Variants in TTLL10 observed in about 807,000 individuals in gnomAD.
TTLL10 encodes the protein inactive polyglycylase TTLL10.
In TTLL10, 61 loss-of-function variants were observed where a neutral mutation model predicts 69.0. That is an observed-to-expected ratio of 0.88 (90% CI 0.72 to 1.09). The LOEUF (loss-of-function observed/expected upper bound fraction) is 1.09, where lower values mean the gene tolerates loss of function less well. TTLL10 is among the 50% of genes least tolerant of loss of function. The probability of loss-of-function intolerance (pLI) is 0.00; values close to 1 mark genes in which losing one functional copy is unlikely to be tolerated. For synonymous variants in TTLL10, 408 were observed against 393.3 expected (o/e 1.04, Z -0.44); for missense variants, 962 against 945.9 (o/e 1.02, Z -0.22).
At chr1:1,180,882 C>T (rs983451314) in intron 8 of TTLL10, 22 bp downstream of exon 8, 3 of 1,536,858 alleles carry the variant, frequency 2.0e-6, no homozygotes, top group Non-Finnish European at 2.6e-6. Context: ...CCTGCCCCTG[C>T]CCCCGTCCCT....
chr1:1,190,029 G>A (rs1390928128), intron 13 of TTLL10, among the ~76,000 whole-genome samples: 4 of 151,130 alleles, frequency 2.6e-5, no homozygotes, highest in Admixed American at 6.6e-5. Context: ...GGAGAATCGC[G>A]TGAACCCGGG....
chr1:1,185,898 G>T lies in TTLL10; in HGVS notation c.1401+789G>T, dbSNP rs1328038237. The T allele has an allele frequency of 1.1e-6, 1 of 930,488 alleles. No homozygotes were observed. The highest frequency in any genetic ancestry group is 1.8e-5 in the African/African-American group (1 of 56,062). 57.6% of individuals were successfully genotyped at this position (930,488 alleles called of 1,614,324 possible). On this transcript the variant is annotated intron_variant, in intron 13 of 15. Coordinates refer to ENST00000379289, the MANE Select transcript of TTLL10 (RefSeq NM_001130045.2). The surrounding 1 kb of genome is among the most constrained non-coding windows in gnomAD (Gnocchi z 6.1). Reference sequence around the variant, plus strand: ...TTCAGTGGCTTTTAGTATTTCAAAAGTTGTGCAATTATCACCACCAATTCC... The same window carrying T: ...TTCAGTGGCTTTTAGTATTTCAAAATTTGTGCAATTATCACCACCAATTCC...
chr1:1,184,924 T>C (rs375748172), intron 12 of TTLL10, 45 bp from the exon 13 acceptor site: 1 of 1,403,032 alleles, frequency 7.1e-7, no homozygotes, highest in East Asian at 2.5e-5. Flanking sequence ...GGACAGGCCC[T>C]CCGGACAGTC....
chr1:1,176,649 CCT>C (rs1646879925), intron 3 of TTLL10, among the ~76,000 whole-genome samples: 1 of 152,210 alleles, frequency 6.6e-6, no homozygotes, highest in South Asian at 2.1e-4. Flanking sequence ...CTGCTAGTGG[CCT>C]CGGTGGGCAC....
At chr1:1,174,529 C>T (rs1479235025) in intron 3 of TTLL10, 40 bp downstream of exon 3, 1 of 152,274 alleles carries the variant, frequency 6.6e-6, no homozygotes, top group African/African-American at 2.4e-5. Flanking sequence ...AGGTCGTGCA[C>T]CAAGTTTCCA....
Position 1,181,078 on chromosome 1 carries a change from G to A in TTLL10, c.755+218G>A, listed in dbSNP as rs1193193872. Among the ~76,000 whole-genome samples, 5 of 83,578 alleles carry A rather than the reference G, an allele frequency of 6.0e-5. No individual in the cohort carries two copies. Among genetic ancestry groups the A allele is most frequent in the Admixed American group, 3.1e-4 (2 of 6,542 alleles). The allele number at this position is 83,578 out of a possible 152,430, so 54.8% of individuals were successfully genotyped here. A position where few individuals can be genotyped will look rare whatever the true frequency, so the allele number is the denominator to read the frequency against. On this transcript the variant is annotated intron_variant, in intron 8 of 15. Transcript: ENST00000379289. This position sits in a 1 kb window ranked among gnomAD's most constrained non-coding sequence, Gnocchi z 4.6. ...CCCAGGCTGGCCCCAGCCCCCACCC[G>A]TCAGCACCTGCCTCCACCTTCCACC...
chr1:1,176,796 G>C (rs897955834), intron 3 of TTLL10, among the ~76,000 whole-genome samples: 9 of 152,210 alleles, frequency 5.9e-5, no homozygotes, highest in African/African-American at 2.2e-4. Flanking sequence ...CCCATCCCCA[G>C]GGTTCCCTTC....
chr1:1,183,412 T>A (rs1258384009), intron 11 of TTLL10, among the ~76,000 whole-genome samples: 3 of 152,088 alleles, frequency 2.0e-5, no homozygotes, highest in Non-Finnish European at 2.9e-5. Flanking sequence ...CTTCCCTGAG[T>A]GGGAAGGCTT....
At chr1:1,196,775 G>C in intron 14 of TTLL10, 59 bp downstream of exon 14, 1 of 1,231,288 alleles carries the variant, frequency 8.1e-7, no homozygotes, top group East Asian at 2.5e-5. Context: ...GGGGCCATCT[G>C]TACACCCTGA....
At position 1,185,866 on chromosome 1, in the gene TTLL10, TGTGCA is replaced by T; in HGVS notation, c.1401+760_1401+764del. 1 of 981,798 alleles carries T rather than the reference TGTGCA, an allele frequency of 1.0e-6. No homozygotes were observed. Among genetic ancestry groups the T allele is most frequent in the Non-Finnish European group, 1.2e-6 (1 of 826,680 alleles). The allele number at this position is 981,798 out of a possible 1,614,324, so 60.8% of individuals were successfully genotyped here. A position where few individuals can be genotyped will look rare whatever the true frequency, so the allele number is the denominator to read the frequency against. ...GAACATAAAATTCACGATCTTAAAG[TGTGCA>T]GTTCAGTGGCTTTTAGTATTTCAAA... On this transcript the variant is annotated intron_variant, in intron 13 of 15. Transcript: ENST00000379289. This position sits in a 1 kb window ranked among gnomAD's most constrained non-coding sequence, Gnocchi z 6.1.
Position 1,185,024 on chromosome 1 carries a change from G to A in TTLL10, c.1316G>A (p.Ser439Asn). ...CTGCTGAAGGAGCACACGGTGTGGA[G>A]CATGGAACACCTCAACCGCTACATC... is the stretch of plus-strand genomic sequence containing the variant. ...YMLLKEHTVW[S>N]MEHLNRYISD... The change falls in exon 13 of 16, where the codon AGC becomes AAC. Residue 439 changes from serine to asparagine, a missense_variant. Physicochemically the swap from Ser to Asn is conservative, Grantham distance 46 (BLOSUM62 1). Coordinates refer to ENST00000379289, the MANE Select transcript of TTLL10 (RefSeq NM_001130045.2). The surrounding 1 kb of genome is among the most constrained non-coding windows in gnomAD (Gnocchi z 6.1). The A allele has an allele frequency of 6.2e-7, 1 of 1,614,006 alleles. No individual in the cohort carries two copies. The highest frequency in any genetic ancestry group is 1.3e-5 in the African/African-American group (1 of 75,054).
rs529758163 is a variant in TTLL10 at position 1,192,220 on chromosome 1, A to T, written c.1402-4380A>T. ...TTCAGTTGTCTACTTCTCCCTTCAG[A>T]TCTGTCAGTTTTTTGTATATTTCGA... On this transcript the variant is annotated intron_variant, in intron 13 of 15. Coordinates refer to ENST00000379289, the MANE Select transcript of TTLL10 (RefSeq NM_001130045.2). Among the ~76,000 whole-genome samples the T allele has an allele frequency of 7.6e-4, 115 of 150,440 alleles. No homozygotes were observed. In the South Asian group the frequency reaches 0.011, roughly 15 times the overall value.
At chr1:1,187,554 C>T (rs953174400) in intron 13 of TTLL10, among the ~76,000 whole-genome samples, 2 of 152,006 alleles carry the variant, frequency 1.3e-5, no homozygotes, top group Admixed American at 1.3e-4. Context: ...TGCTTGAACC[C>T]GGGAGGTGGA....
In TTLL10 at chr1:1,197,205, AC is replaced by A. The variant is rs778792570; in HGVS notation, c.1612+23del. 1 of 1,382,134 alleles carries A rather than the reference AC, an allele frequency of 7.2e-7. No individual in the cohort carries two copies. The highest frequency in any genetic ancestry group is 1.6e-5 in the African/African-American group (1 of 62,152). 85.6% of individuals were successfully genotyped at this position (1,382,134 alleles called of 1,614,324 possible). Reference sequence around the variant, plus strand: ...ACCCTGGGTGAGCCTCCAAGCCCCCACCCCACACCCCCACAACCTGCCCAGT... The same window carrying A: ...ACCCTGGGTGAGCCTCCAAGCCCCCACCCACACCCCCACAACCTGCCCAGT... On this transcript the variant is annotated intron_variant, in intron 15 of 15. Coordinates refer to ENST00000379289, the MANE Select transcript of TTLL10 (RefSeq NM_001130045.2).
chr1:1,193,609 G>T (rs547502943), intron 13 of TTLL10, among the ~76,000 whole-genome samples: 2 of 151,578 alleles, frequency 1.3e-5, no homozygotes, highest in Non-Finnish European at 2.9e-5. Context: ...GATTACAGGC[G>T]CATGCCACCA....
intron 13 of TTLL10, among the ~76,000 whole-genome samples, chr1:1,193,044 G>T (rs994646306): frequency 2.6e-5 from 4 of 152,198 alleles, no homozygotes; most frequent in Non-Finnish European, 5.9e-5. Flanking sequence ...TACTGATAAA[G>T]GGCCGGGCAC....
Position 1,197,647 on chromosome 1 carries a change from G to T in TTLL10, c.1822G>T (p.Gly608Cys). ...CATGCCGCATGCCCCAGACCAGCCG[G>T]GCGCCCGCAGGCCTGCGCCACCTCC... The part of the protein sequence containing the change: ...PPMPHAPDQP[G>C]ARRPAPPPLV... The change falls in exon 16 of 16, where the codon GGC (glycine) becomes TGC (cysteine). Residue 608 changes from glycine to cysteine, a missense_variant. By Grantham distance (159) the Gly-to-Cys change is radical. Transcript: ENST00000379289. 1 of 1,500,410 alleles carries T rather than the reference G, an allele frequency of 6.7e-7. No individual in the cohort carries two copies. The highest frequency in any genetic ancestry group is 2.7e-5 in the East Asian group (1 of 37,364). The allele number at this position is 1,500,410 out of a possible 1,614,324, so 92.9% of individuals were successfully genotyped here. A position where few individuals can be genotyped will look rare whatever the true frequency, so the allele number is the denominator to read the frequency against.
chr1:1,179,249 C>T lies in TTLL10; in HGVS notation c.34C>T (p.Arg12Trp), dbSNP rs1013375048. The change falls in exon 4 of 16, where the codon CGG becomes TGG. Residue 12 changes from arginine (R) to tryptophan (W), a missense_variant. Transcript: ENST00000379289. ...CAGCTGCACCCGGTTCATCCACCGC[C>T]GGGGACCACCCACTCGGACCCGAGC... ...DHSCTRFIHRRGPPTRTRAGF... is the reference protein window; with the variant it reads ...DHSCTRFIHRWGPPTRTRAGF... 1.4e-5 allele frequency: 21 copies of T among 1,550,008 alleles called. No homozygotes were observed. Among genetic ancestry groups the T allele is most frequent in the East Asian group, 4.9e-5 (2 of 40,920 alleles).
chr1:1,174,875 T>TG (rs978803632), intron 3 of TTLL10: 2 of 152,178 alleles, frequency 1.3e-5, no homozygotes, highest in African/African-American at 4.8e-5. Flanking sequence ...CCCAGCACTT[T>TG]GGGAGGCCGA....
Sources: allele counts gnomAD v4.1 joint callset (sites outside exome capture counted in the v4.1 genomes callset), GRCh38; gene constraint gnomAD v4.1.1; non-coding constraint Gnocchi (gnomAD v3.1); transcripts MANE v1.5; gene names NCBI Gene and HGNC (gene_info 2026-07-23, HGNC 2026-07-21).